Variants in NT5DC4 observed in about 807,000 individuals in gnomAD.
NT5DC4 encodes 5'-nucleotidase domain containing 4.
A neutral mutation model predicts 26.6 loss-of-function variants in NT5DC4; 44 were observed. The observed-to-expected ratio is 1.65, with a 90% CI of 1.30 to 2.13. The LOEUF (loss-of-function observed/expected upper bound fraction) is 2.13, where lower values mean the gene tolerates loss of function less well. Among genes scored for constraint, NT5DC4 ranks in the 30% most tolerant of loss-of-function variants. The pLI is 0.00. For synonymous variants in NT5DC4, 157 were observed against 86.7 expected (o/e 1.81, Z -4.51); for missense variants, 399 against 228.1 (o/e 1.75, Z -4.83).
chr2:112,742,461 A>G (rs1186180461), downstream of NT5DC4: 2 of 717,790 alleles, frequency 2.8e-6, no homozygotes, highest in Non-Finnish European at 5.2e-6. Context: ...GATTCCAAGG[A>G]AGTGGGACAC....
downstream of NT5DC4, among the ~76,000 whole-genome samples, chr2:112,741,645 A>G (rs1385459448): frequency 6.6e-6 from 1 of 152,172 alleles, no homozygotes; most frequent in East Asian, 1.9e-4. Context: ...CCATGTTTTA[A>G]CCAAATAACT....
intron 16 of NT5DC4, chr2:112,736,761 G>T (rs1679235836): frequency 6.6e-6 from 1 of 152,142 alleles, no homozygotes; most frequent in Non-Finnish European, 1.5e-5. Flanking sequence ...GTGGCAAATG[G>T]CAAGAACTCC....
rs761141292 is a variant in NT5DC4, at chr2:112,723,774, C to T, written c.728C>T (p.Ala243Val). 1.1e-5 allele frequency: 8 copies of T among 717,146 alleles called. No homozygotes were observed. The Admixed American group carries it at 1.4e-4, about 13-fold the overall frequency. 44.4% of individuals were successfully genotyped at this position (717,146 alleles called of 1,614,324 possible). A position where few individuals can be genotyped will look rare whatever the true frequency, so the allele number is the denominator to read the frequency against. Residue 243 changes from alanine (A) to valine (V), a missense_variant, in exon 9 of 17, where the codon GCC becomes GTC. Coordinates refer to ENST00000688554, the MANE Select transcript of NT5DC4 (RefSeq NM_001393655.1). Reference protein sequence around the residue: ...KMKEVGKVFLATNSSYNYTNA... With the variant: ...KMKEVGKVFLVTNSSYNYTNA... ...AAGGAGGTTGGGAAAGTGTTTCTGG[C>T]CACCAACAGCAGCTACAACTACACC...
At chr2:112,734,169 A>ATATGTGTGTGTGTG (rs150412692) in intron 16 of NT5DC4, among the ~76,000 whole-genome samples, 5,437 of 134,798 alleles carry the variant, frequency 0.04, 134 homozygotes, top group African/African-American at 0.064. Context: ...TATTATATAT[A>ATATGTGTGTGTGTG]TGTGTGTGTG....
Position 112,738,958 on chromosome 2 carries a change from T to C in NT5DC4, c.*22T>C, listed in dbSNP as rs780826919. On this transcript the variant is annotated 3_prime_UTR_variant, in exon 17 of 17. Transcript: ENST00000688554. ...CTAAATCGTGTTCCTGCAGCATTTCTGGGTAGCGGGACACTGCTCGCTCAA... is the reference window on the plus strand; with the variant it reads ...CTAAATCGTGTTCCTGCAGCATTTCCGGGTAGCGGGACACTGCTCGCTCAA... The C allele has an allele frequency of 1.9e-6, 3 of 1,614,220 alleles. No homozygotes were observed. In the East Asian group the frequency reaches 6.7e-5, roughly 36 times the overall value.
chr2:112,720,718 G>A (rs1052072734), upstream of NT5DC4, among the ~76,000 whole-genome samples: 18 of 152,286 alleles, frequency 1.2e-4, no homozygotes, highest in Middle Eastern at 3.4e-3. Flanking sequence ...TTTATCATGA[G>A]TACAGTACGG....
At position 112,722,271 on chromosome 2, in the gene NT5DC4, C is replaced by T; in HGVS notation, c.355C>T (p.Leu119Phe). 2.8e-6 allele frequency: 2 copies of T among 717,074 alleles called. No homozygotes were observed. Among genetic ancestry groups the T allele is most frequent in the Non-Finnish European group, 2.6e-6 (1 of 385,086 alleles). The allele number at this position is 717,074 out of a possible 1,614,324, so 44.4% of individuals were successfully genotyped here. Residue 119 changes from leucine to phenylalanine, a missense_variant, in exon 4 of 17, where the codon CTC becomes TTC. By Grantham distance (22) the Leu-to-Phe change is conservative (BLOSUM62 0). Transcript: ENST00000688554. Reference protein sequence around the residue: ...VLLGAYGFTFLSDLPLLRAEI... With the variant: ...VLLGAYGFTFFSDLPLLRAEI... ...GCTGGGTGCCTATGGCTTCACCTTC[C>T]TCTCGGAGTAAGGGACAAAGGTGCC...
chr2:112,721,573 C>G, intron 1 of NT5DC4: 1 of 717,696 alleles, frequency 1.4e-6, no homozygotes, highest in Non-Finnish European at 2.6e-6. Flanking sequence ...GCTGATTGCC[C>G]GCACACACTC....
At chr2:112,721,475 A>G in intron 1 of NT5DC4, 1 of 717,888 alleles carries the variant, frequency 1.4e-6, no homozygotes, top group South Asian at 1.5e-5. Flanking sequence ...CCCATTTCAG[A>G]AGGTGACAAC....
chr2:112,741,016 G>GT, downstream of NT5DC4: 1 of 1,572,890 alleles, frequency 6.4e-7, no homozygotes, highest in Non-Finnish European at 8.7e-7. Flanking sequence ...CCCTGTGTAT[G>GT]TAAGATCATG....
At chr2:112,735,906 G>A (rs1046279340) in intron 16 of NT5DC4, among the ~76,000 whole-genome samples, 7 of 152,210 alleles carry the variant, frequency 4.6e-5, no homozygotes, top group Admixed American at 3.9e-4. Flanking sequence ...TTGGTACCCA[G>A]GGTAATACTG....
chr2:112,721,923 G>A (rs1232732656), intron 2 of NT5DC4, 32 bp downstream of exon 2: 10 of 717,286 alleles, frequency 1.4e-5, no homozygotes, highest in Admixed American at 2.0e-5. Context: ...CGTATTGGGA[G>A]CTGGAGGGAG....
chr2:112,724,569 T>C (rs1004861685), intron 10 of NT5DC4: 6 of 592,306 alleles, frequency 1.0e-5, no homozygotes, highest in Non-Finnish European at 1.8e-5. Context: ...GCACATGATG[T>C]TCAACACCCA....
At chr2:112,722,849 C>G (rs1677099143) in intron 6 of NT5DC4, 78 bp downstream of exon 6, 1 of 564,622 alleles carries the variant, frequency 1.8e-6, no homozygotes, top group Non-Finnish European at 3.4e-6. Context: ...GAGGGGCCCC[C>G]CAAGGGCTCC....
chr2:112,721,832 G>A lies in NT5DC4; in HGVS notation c.89G>A (p.Arg30His), dbSNP rs915267505. Residue 30 changes from arginine to histidine, a missense_variant, in exon 2 of 17, where the codon CGC becomes CAC. Transcript: ENST00000688554. ...TCTCTCCCCAGGATTTTTGTCAACC[G>A]CAGCCTGGCGCTGGGGAAGATTCGT... ...QDWHQRIFVNRSLALGKIRCF... is the reference protein window; with the variant it reads ...QDWHQRIFVNHSLALGKIRCF... 3.8e-5 allele frequency: 27 copies of A among 717,210 alleles called. No homozygotes were observed. The highest frequency in any genetic ancestry group is 5.5e-5 in the Non-Finnish European group (21 of 385,106). 44.4% of individuals were successfully genotyped at this position (717,210 alleles called of 1,614,324 possible).
intron 16 of NT5DC4, among the ~76,000 whole-genome samples, chr2:112,734,941 C>A (rs974076837): frequency 6.6e-6 from 1 of 151,948 alleles, no homozygotes; most frequent in Non-Finnish European, 1.5e-5. Context: ...CTGCTCACCT[C>A]GGCCTCCCAA....
At chr2:112,724,330 T>C (rs1677387745) in intron 10 of NT5DC4, 1 of 610,778 alleles carries the variant, frequency 1.6e-6, no homozygotes, top group Admixed American at 2.6e-5. Context: ...GGGAGGAGCC[T>C]TTGGGGGTGA....
At chr2:112,738,882 T>C (rs1168492718) in intron 16 of NT5DC4, 31 bp from the exon 17 acceptor site, 1 of 1,614,122 alleles carries the variant, frequency 6.2e-7, no homozygotes, top group South Asian at 1.1e-5. Context: ...CTACGGAATA[T>C]AAAACATTTT....
chr2:112,741,058 C>T, downstream of NT5DC4: 2 of 1,220,518 alleles, frequency 1.6e-6, no homozygotes, highest in South Asian at 1.3e-5. Context: ...TTTAATACTT[C>T]AACTAGAAGT....
Sources: gnomAD v4.1 joint callset for allele counts (sites outside exome capture counted in the v4.1 genomes callset) on GRCh38, gnomAD v4.1.1 for gene constraint, MANE v1.5 for transcripts, NCBI Gene and HGNC (gene_info 2026-07-23, HGNC 2026-07-21) for gene names.